NOP2: variants seen among roughly 807,000 people sequenced by gnomAD.
The protein encoded by NOP2 is NOP2 nucleolar protein, also known as 28S rRNA (cytosine(4447)-C(5))-methyltransferase.
NOP2 carries 7 observed loss-of-function variants against 72.7 expected under a neutral mutation model. The observed-to-expected ratio is 0.10, with a 90% CI of 0.05 to 0.18. The LOEUF (loss-of-function observed/expected upper bound fraction) is 0.18. Among genes scored for constraint, NOP2 ranks in the 10% least tolerant of loss-of-function variants. The pLI is 1.00. For synonymous variants in NOP2, 387 were observed against 388.0 expected (o/e 1.00, Z 0.03); for missense variants, 954 against 1,014.7 (o/e 0.94, Z 0.81).
At chr12:6,562,271 T>C (rs1229366357) in intron 9 of NOP2, among the ~76,000 whole-genome samples, 1 of 152,174 alleles carries the variant, frequency 6.6e-6, no homozygotes, top group Non-Finnish European at 1.5e-5. Context: ...ATTACAGGCG[T>C]TGAGTCACCG....
chr12:6,561,711 C>T lies in NOP2; in HGVS notation c.1160G>A (p.Arg387Gln), dbSNP rs373326078. Residue 387 changes from arginine (R) to glutamine (Q), a missense_variant, in exon 11 of 16, where the codon CGG becomes CAG. Arg to Gln is a conservative substitution (Grantham distance 43, BLOSUM62 1). This residue lies in a region of NOP2 where 187 missense variants were observed against 276.2 expected (regional missense o/e 0.68). Transcript: ENST00000322166. ...VMALAPQEHERILDMCCAPGG... is the reference protein window; with the variant it reads ...VMALAPQEHEQILDMCCAPGG... ...AGGGGCACAACACATGTCCAGGATCCGCTCATGTTCCTGGGGTGCCAAGGC... is the reference window on the plus strand; with the variant it reads ...AGGGGCACAACACATGTCCAGGATCTGCTCATGTTCCTGGGGTGCCAAGGC... The T allele has an allele frequency of 4.4e-5, 71 of 1,613,530 alleles. No homozygotes were observed. Among genetic ancestry groups the T allele is most frequent in the African/African-American group, 1.1e-4 (8 of 74,904 alleles).
chr12:6,560,400 A>G lies in NOP2; in HGVS notation c.1560+47T>C. ...CTGAAGGGAGCTCTAAGGGGCAAAGAGCCCCCCAGCCCAGCCTCCCCTGCT... is the reference window on the plus strand; with the variant it reads ...CTGAAGGGAGCTCTAAGGGGCAAAGGGCCCCCCAGCCCAGCCTCCCCTGCT... On this transcript the variant is annotated intron_variant, in intron 14 of 15. Coordinates refer to ENST00000322166, the MANE Select transcript of NOP2 (RefSeq NM_001258308.2). The surrounding 1 kb of genome is among the most constrained non-coding windows in gnomAD (Gnocchi z 5.0). 6.3e-7 allele frequency: 1 copy of G among 1,595,274 alleles called. No individual in the cohort carries two copies. Among genetic ancestry groups the G allele is most frequent in the African/African-American group, 1.3e-5 (1 of 74,172 alleles).
intron 15 of NOP2, 129 bp from the exon 16 acceptor site, chr12:6,557,771 G>A (rs1338869831): frequency 2.1e-6 from 2 of 951,868 alleles, no homozygotes; most frequent in Non-Finnish European, 3.1e-6. Flanking sequence ...CAGTGCCTAA[G>A]AGCAGATTAC....
At chr12:6,566,060 G>T in intron 5 of NOP2, 41 bp downstream of exon 5, 2 of 1,494,612 alleles carry the variant, frequency 1.3e-6, no homozygotes, top group Non-Finnish European at 1.8e-6. Context: ...AAACTAAATA[G>T]CAAGGATCCT....
intron 5 of NOP2, among the ~76,000 whole-genome samples, chr12:6,565,499 C>T (rs1288734067): frequency 6.6e-6 from 1 of 152,116 alleles, no homozygotes; most frequent in African/African-American, 2.4e-5. Context: ...TACCACCACA[C>T]CAGCTAATTT....
At position 6,566,614 on chromosome 12, in the gene NOP2, T is replaced by C; in HGVS notation, c.153A>G (p.Ala51=). 1.2e-6 allele frequency: 2 copies of C among 1,613,860 alleles called. No homozygotes were observed. Among genetic ancestry groups the C allele is most frequent in the Non-Finnish European group, 1.7e-6 (2 of 1,179,802 alleles). ...CAACAGAGCCCAATCTCCTCTTGGC[T>C]GCCCTGAAAAGACACAAGAGATTCA... is the stretch of plus-strand genomic sequence containing the variant. ...KRLSSRARKR[A]AKRRLGSVEA... is the part of the protein sequence containing the mutation. Residue 51 remains alanine (A), a synonymous_variant, in exon 4 of 16, where the codon GCA becomes GCG. Coordinates refer to ENST00000322166, the MANE Select transcript of NOP2 (RefSeq NM_001258308.2).
Position 6,567,505 on chromosome 12 carries a change from A to G in NOP2, c.103+311T>C, listed in dbSNP as rs541350542. The G allele has an allele frequency of 1.1e-5, 3 of 278,910 alleles. No individual in the cohort carries two copies. In the South Asian group the frequency reaches 1.4e-4, roughly 13 times the overall value. The allele number at this position is 278,910 out of a possible 1,614,324, so 17.3% of individuals were successfully genotyped here. On this transcript the variant is annotated intron_variant, in intron 2 of 15. Coordinates refer to ENST00000322166, the MANE Select transcript of NOP2 (RefSeq NM_001258308.2). The stretch of plus-strand genomic sequence containing the variant: ...CACTACTTCCTCTTGCTACAATGTT[A>G]CCCATTTTTCAAAACCCAGCTTAAC...
At chr12:6,566,844 G>C (rs1365699103) in intron 2 of NOP2, 22 bp from the exon 3 acceptor site, 2 of 1,599,874 alleles carry the variant, frequency 1.3e-6, no homozygotes, top group East Asian at 2.2e-5. Flanking sequence ...AGAAAAACGA[G>C]GCAGAACAAG....
Position 6,563,677 on chromosome 12 carries a change from C to G in NOP2, c.625G>C (p.Gly209Arg). ...TCCTCATCCACATTGATCTGCAGGCCCCCATCTGCCTCTTCCACCTTTGGG... is the reference window on the plus strand; with the variant it reads ...TCCTCATCCACATTGATCTGCAGGCGCCCATCTGCCTCTTCCACCTTTGGG... ...GPPKVEEADG[G>R]LQINVDEEPF... Residue 209 changes from glycine (G) to arginine (R), a missense_variant, in exon 7 of 16, where the codon GGC (glycine) becomes CGC (arginine). By Grantham distance (125) the Gly-to-Arg change is moderately radical (BLOSUM62 -2). Around this residue, in one of 3 missense-constraint regions of NOP2, gnomAD observed 498 missense variants for 478.3 expected, o/e 1.04. Transcript: ENST00000322166. 6.2e-7 allele frequency: 1 copy of G among 1,613,764 alleles called. No individual in the cohort carries two copies. The highest frequency in any genetic ancestry group is 8.5e-7 in the Non-Finnish European group (1 of 1,179,800).
At chr12:6,564,031 C>A (rs1947716381) in intron 5 of NOP2, 85 bp from the exon 6 acceptor site, 17 of 1,547,972 alleles carry the variant, frequency 1.1e-5, no homozygotes, top group Non-Finnish European at 1.4e-5. Flanking sequence ...TATTTTTTCG[C>A]TAAATAAAAA....
intron 2 of NOP2, 63 bp from the exon 3 acceptor site, chr12:6,566,885 G>A (rs996335117): frequency 3.4e-5 from 45 of 1,338,840 alleles, no homozygotes; most frequent in Admixed American, 2.8e-4. Context: ...AAATGGGAAC[G>A]GAAATAAACA....
At chr12:6,557,716 T>C (rs1947530759) in intron 15 of NOP2, 74 bp from the exon 16 acceptor site, 1 of 1,449,228 alleles carries the variant, frequency 6.9e-7, no homozygotes, top group Non-Finnish European at 9.3e-7. Context: ...CATATTAAAA[T>C]ATGAGAATTG....
rs764167705 is a variant in NOP2 at position 6,557,122 on chromosome 12, G to C, written c.2310C>G (p.Phe770Leu). ...CCTTGGGGGTATCATTCTGTTTCTG[G>C]AAGGCAGCTTTCTCAAAAGGCTGCT... ...LPEQPFEKAAFQKQNDTPKGP... is the reference protein window; with the variant it reads ...LPEQPFEKAALQKQNDTPKGP... The change falls in exon 16 of 16, where the codon TTC becomes TTG. Residue 770 changes from phenylalanine (F) to leucine (L), a missense_variant. By Grantham distance (22) the Phe-to-Leu change is conservative. Around this residue, in one of 3 missense-constraint regions of NOP2, gnomAD observed 269 missense variants for 260.2 expected, o/e 1.03. Coordinates refer to ENST00000322166, the MANE Select transcript of NOP2 (RefSeq NM_001258308.2). The C allele has an allele frequency of 1.2e-6, 2 of 1,613,852 alleles. No homozygotes were observed. Among genetic ancestry groups the C allele is most frequent in the South Asian group, 1.1e-5 (1 of 91,084 alleles).
chr12:6,562,951 G>C, intron 9 of NOP2, 130 bp downstream of exon 9: 1 of 874,676 alleles, frequency 1.1e-6, no homozygotes, highest in Non-Finnish European at 1.9e-6. Flanking sequence ...TCAGGCCTCT[G>C]GGTTTGCCCC....
intron 15 of NOP2, among the ~76,000 whole-genome samples, chr12:6,559,205 G>A (rs973415700): frequency 2.0e-5 from 3 of 151,796 alleles, no homozygotes; most frequent in Admixed American, 1.3e-4. Flanking sequence ...TGCAAGCTCC[G>A]CCTCCCGGGT....
intron 2 of NOP2, 89 bp downstream of exon 2, chr12:6,567,727 T>TA: frequency 2.9e-6 from 3 of 1,028,300 alleles, no homozygotes; most frequent in Non-Finnish European, 2.9e-6. Flanking sequence ...CACTTAAATA[T>TA]AAAATGAACA....
rs200706763 is a variant in NOP2 at position 6,567,944 on chromosome 12, G to A, written c.-4-22C>T. ...GGTACTGTGGCAGGCAGAAATGGGA[G>A]AAGGTGGCGTCGCGCGTGTCGGAGG... On this transcript the variant is annotated intron_variant, in intron 1 of 15. Coordinates refer to ENST00000322166, the MANE Select transcript of NOP2 (RefSeq NM_001258308.2). 8.8e-6 allele frequency: 14 copies of A among 1,587,904 alleles called. No individual in the cohort carries two copies. The Admixed American group carries it at 2.0e-4, about 23-fold the overall frequency.
chr12:6,566,279 T>C lies in NOP2; in HGVS notation c.296A>G (p.Asn99Ser). 6.2e-7 allele frequency: 1 copy of C among 1,613,976 alleles called. No homozygotes were observed. Among genetic ancestry groups the C allele is most frequent in the Non-Finnish European group, 8.5e-7 (1 of 1,179,898 alleles). The stretch of plus-strand genomic sequence containing the variant: ...TGGGCGCTTCTTGCCTCGAGGAGCA[T>C]TAAATAGGGACTGGGGTCCCTTCTT... ...AGKKGPQSLF[N>S]APRGKKRPAP... The change falls in exon 5 of 16, where the codon AAT (asparagine) becomes AGT (serine). Residue 99 changes from asparagine to serine, a missense_variant. Asn to Ser is a conservative substitution (Grantham distance 46). This residue lies in a region of NOP2 where 498 missense variants were observed against 478.3 expected (regional missense o/e 1.04). Coordinates refer to ENST00000322166, the MANE Select transcript of NOP2 (RefSeq NM_001258308.2).
chr12:6,564,121 C>T, intron 5 of NOP2, 175 bp from the exon 6 acceptor site: 1 of 1,497,228 alleles, frequency 6.7e-7, no homozygotes, highest in Non-Finnish European at 8.9e-7. Flanking sequence ...ACTGTTGAAA[C>T]TAAGTAATGA....
Sources: allele counts gnomAD v4.1 joint callset (sites outside exome capture counted in the v4.1 genomes callset), GRCh38; gene constraint gnomAD v4.1.1; regional missense constraint gnomAD v4.1.1; non-coding constraint Gnocchi (gnomAD v3.1); transcripts MANE v1.5; gene names NCBI Gene and HGNC (gene_info 2026-07-23, HGNC 2026-07-21).